SNX32: variants seen among roughly 807,000 people sequenced by gnomAD.
SNX32 encodes the protein sorting nexin 32.
SNX32 carries 58 observed loss-of-function variants against 57.0 expected under a neutral mutation model. The ratio of observed to expected loss-of-function variants is 1.02; its 90% confidence interval spans 0.82 to 1.27. The LOEUF (loss-of-function observed/expected upper bound fraction) is 1.27, where lower values mean the gene tolerates loss of function less well. Ranked by LOEUF, SNX32 falls within the 50% of genes most tolerant of loss-of-function variation. SNX32 has a pLI of 0.00. For missense variants in SNX32, 589 were observed against 541.2 expected, an observed-to-expected ratio of 1.09 and a Z score of -0.88; for synonymous variants, 262 against 220.4, an observed-to-expected ratio of 1.19 and a Z score of -1.67.
chr11:65,850,288 T>C lies in SNX32; in HGVS notation c.374+17T>C. The C allele has an allele frequency of 6.2e-7, 1 of 1,614,080 alleles. No individual in the cohort carries two copies. The highest frequency in any genetic ancestry group is 1.1e-5 in the South Asian group (1 of 91,084). The stretch of plus-strand genomic sequence containing the variant: ...GCTGGAAGCGTGAGTGCCCCCTCCT[T>C]TCCCTGCCATCCCCAGAGTCCAGAT... On this transcript the variant is annotated intron_variant, in intron 4 of 12. Coordinates refer to ENST00000308342, the MANE Select transcript of SNX32 (RefSeq NM_152760.3).
At chr11:65,843,688 T>C (rs1338526954) in intron 1 of SNX32, among the ~76,000 whole-genome samples, 1 of 152,210 alleles carries the variant, frequency 6.6e-6, no homozygotes, top group Non-Finnish European at 1.5e-5. Context: ...AAAGTTTTCT[T>C]TAACAGGACA....
chr11:65,838,716 A>C (rs946988676), intron 1 of SNX32, among the ~76,000 whole-genome samples: 26 of 152,320 alleles, frequency 1.7e-4, no homozygotes, highest in African/African-American at 6.3e-4. Context: ...AAATAAATGA[A>C]ATGTTGAGCT....
In SNX32 at chr11:65,849,465, C is replaced by A; in HGVS notation, c.37-13C>A. 1.3e-6 allele frequency: 2 copies of A among 1,599,200 alleles called. No individual in the cohort carries two copies. The highest frequency in any genetic ancestry group is 1.7e-4 in the Middle Eastern group (1 of 5,868). On this transcript the variant is annotated splice_polypyrimidine_tract_variant and intron_variant, in intron 1 of 12. Transcript: ENST00000308342. Reference sequence around the variant, plus strand: ...CATGCTCAGCCAGGCCAGAGACCTCCCCTCCTCCGCAGCCTTCCTGTGCAT... The same window carrying A: ...CATGCTCAGCCAGGCCAGAGACCTCACCTCCTCCGCAGCCTTCCTGTGCAT...
chr11:65,843,418 A>C (rs1858903976), intron 1 of SNX32, among the ~76,000 whole-genome samples: 1 of 151,726 alleles, frequency 6.6e-6, no homozygotes, highest in African/African-American at 2.4e-5. Context: ...AAAATACAGA[A>C]ATTAGCCAGG....
Position 65,853,458 on chromosome 11 carries a change from C to T in SNX32, c.*123C>T. 1 of 989,596 alleles carries T rather than the reference C, an allele frequency of 1.0e-6. No individual in the cohort carries two copies. Among genetic ancestry groups the T allele is most frequent in the Non-Finnish European group, 1.6e-6 (1 of 637,562 alleles). 61.3% of individuals were successfully genotyped at this position (989,596 alleles called of 1,614,324 possible). On this transcript the variant is annotated 3_prime_UTR_variant, in exon 13 of 13. Transcript: ENST00000308342. ...CCACTAGCCACACCCTCACTCTGCC[C>T]CACATCCTCTCAGGGAAAGCCCAAA...
chr11:65,842,670 C>T (rs1858872806), intron 1 of SNX32, among the ~76,000 whole-genome samples: 1 of 151,042 alleles, frequency 6.6e-6, no homozygotes, highest in South Asian at 2.1e-4. Context: ...TAAAATTAGG[C>T]CAGGCACGGT....
intron 7 of SNX32, 76 bp from the exon 8 acceptor site, chr11:65,851,251 GT>G: frequency 6.2e-7 from 1 of 1,604,310 alleles, no homozygotes; most frequent in South Asian, 1.1e-5. Context: ...GGCGTGCCTT[GT>G]TGTTTGTCTG....
intron 1 of SNX32, among the ~76,000 whole-genome samples, chr11:65,838,192 A>G (rs929086755): frequency 6.6e-6 from 1 of 150,806 alleles, no homozygotes; most frequent in Non-Finnish European, 1.5e-5. Flanking sequence ...GAAGGAAGGA[A>G]GGAAGGAAGA....
intron 8 of SNX32, 99 bp downstream of exon 8, chr11:65,851,502 G>A: frequency 6.6e-7 from 1 of 1,513,330 alleles, no homozygotes; most frequent in Non-Finnish European, 9.1e-7. Flanking sequence ...GCTCTAGGTG[G>A]GAGGTGTAGG....
chr11:65,844,035 CAG>C (rs1858919862), intron 1 of SNX32, among the ~76,000 whole-genome samples: 1 of 152,136 alleles, frequency 6.6e-6, no homozygotes, highest in South Asian at 2.1e-4. Flanking sequence ...CCTGGACTAA[CAG>C]GGTGAAAGTA....
chr11:65,850,609 G>A lies in SNX32; in HGVS notation c.498+55G>A, dbSNP rs533014499. The A allele has an allele frequency of 1.9e-6, 3 of 1,565,490 alleles. No homozygotes were observed. In the South Asian group the frequency reaches 3.5e-5, roughly 18 times the overall value. ...CTTGGGCCAGGAGTCTACCTTGGGT[G>A]GGGAGGCACCCAGGGGTGGCAGGGC... On this transcript the variant is annotated intron_variant, in intron 5 of 12. Coordinates refer to ENST00000308342, the MANE Select transcript of SNX32 (RefSeq NM_152760.3).
chr11:65,834,656 CTCTG>C (rs1858609133), intron 1 of SNX32, among the ~76,000 whole-genome samples: 1 of 149,040 alleles, frequency 6.7e-6, no homozygotes, highest in Non-Finnish European at 1.5e-5. Flanking sequence ...CTGTGTGTGT[CTCTG>C]TGTGTATCTG....
chr11:65,852,534 G>A lies in SNX32; in HGVS notation c.895G>A (p.Asp299Asn). Residue 299 changes from aspartate to asparagine, a missense_variant, in exon 10 of 13, where the codon GAC becomes AAC. Coordinates refer to ENST00000308342, the MANE Select transcript of SNX32 (RefSeq NM_152760.3). ...AGACATGCTGAGGTACTACATGCGTGACTCACAGGCAGCCAAGGTGAGAGG... is the reference window on the plus strand; with the variant it reads ...AGACATGCTGAGGTACTACATGCGTAACTCACAGGCAGCCAAGGTGAGAGG... The part of the protein sequence containing the change: ...LSDMLRYYMR[D>N]SQAAKDLLYR... 5 of 1,614,218 alleles carry A rather than the reference G, an allele frequency of 3.1e-6. No individual in the cohort carries two copies. Among genetic ancestry groups the A allele is most frequent in the Non-Finnish European group, 4.2e-6 (5 of 1,180,044 alleles).
chr11:65,836,904 T>TG (rs1293020178), intron 1 of SNX32, among the ~76,000 whole-genome samples: 2 of 94,326 alleles, frequency 2.1e-5, no homozygotes, highest in Non-Finnish European at 4.2e-5. Flanking sequence ...TGTGGGGGGC[T>TG]GGGGGGTAAG....
At chr11:65,835,418 G>C (rs78615606) in intron 1 of SNX32, 1 of 152,094 alleles carries the variant, frequency 6.6e-6, no homozygotes, top group Non-Finnish European at 1.5e-5. Context: ...TTCCCAAGGC[G>C]AGAGAATCCT....
Position 65,840,095 on chromosome 11 carries a change from T to C in SNX32, c.36+5994T>C, listed in dbSNP as rs554693704. 7.9e-5 allele frequency among the ~76,000 whole-genome samples: 12 copies of C among 152,050 alleles called. 1 individual carries two copies. Among genetic ancestry groups the C allele is most frequent in the Admixed American group, 3.3e-4 (5 of 15,246 alleles). ...GCTTGAACCTGGGAGGCGGAGGTTGTGGTGAGCCAAGATCGCGCCAGTGCA... is the reference window on the plus strand; with the variant it reads ...GCTTGAACCTGGGAGGCGGAGGTTGCGGTGAGCCAAGATCGCGCCAGTGCA... On this transcript the variant is annotated intron_variant, in intron 1 of 12. Coordinates refer to ENST00000308342, the MANE Select transcript of SNX32 (RefSeq NM_152760.3).
intron 1 of SNX32, 107 bp downstream of exon 1, chr11:65,834,208 CTCTGTGTGTT>C (rs1416680197): frequency 4.7e-6 from 5 of 1,068,778 alleles, no homozygotes; most frequent in East Asian, 5.3e-5. Flanking sequence ...TGTGGTCTGC[CTCTGTGTGTT>C]TCTGTGTGTG....
chr11:65,849,034 C>T (rs1205530674), intron 1 of SNX32, among the ~76,000 whole-genome samples: 1 of 152,140 alleles, frequency 6.6e-6, no homozygotes, highest in Non-Finnish European at 1.5e-5. Flanking sequence ...GTCCCAGCTA[C>T]TCGGGAGGCT....
In SNX32 at chr11:65,852,949, A is replaced by G. The variant is rs1859263825; in HGVS notation, c.1149A>G (p.Lys383=). The part of the protein sequence containing the change: ...NLIELAELEL[K]HAKASTLILR... ...TTGAGCTGGCAGAGCTGGAGCTCAA[A>G]CACGCCAAGGTGAGCCCTCCCACCT... The change falls in exon 12 of 13, where the codon AAA becomes AAG. Residue 383 remains lysine, a synonymous_variant. Transcript: ENST00000308342. 2 of 1,613,970 alleles carry G rather than the reference A, an allele frequency of 1.2e-6. No individual in the cohort carries two copies. The highest frequency in any genetic ancestry group is 1.7e-6 in the Non-Finnish European group (2 of 1,179,936).
Sources: gnomAD v4.1 joint callset for allele counts (sites outside exome capture counted in the v4.1 genomes callset) on GRCh38, gnomAD v4.1.1 for gene constraint, MANE v1.5 for transcripts, NCBI Gene and HGNC (gene_info 2026-07-23, HGNC 2026-07-21) for gene names.